Variants in MAGOHB observed in about 807,000 individuals in gnomAD.
The protein encoded by MAGOHB is protein mago nashi homolog 2.
MAGOHB carries 15 observed loss-of-function variants against 20.9 expected under a neutral mutation model. That is an observed-to-expected ratio of 0.72 (90% CI 0.48 to 1.11). The LOEUF is 1.11. MAGOHB is among the 50% of genes least tolerant of loss of function. The probability of loss-of-function intolerance (pLI) is 0.00; values close to 1 mark genes in which losing one functional copy is unlikely to be tolerated. For synonymous variants in MAGOHB, 50 were observed against 57.9 expected, an observed-to-expected ratio of 0.86 and a Z score of 0.62; for missense variants, 162 against 177.6, an observed-to-expected ratio of 0.91 and a Z score of 0.50.
chr12:10,612,973 T>C (rs1565553388), intron 1 of MAGOHB: 1 of 1,286,450 alleles, frequency 7.8e-7, no homozygotes, highest in Non-Finnish European at 1.0e-6. Flanking sequence ...GTACTCTTCA[T>C]GCGTCCTATG....
In MAGOHB at chr12:10,605,633, A is replaced by G. The variant is rs1231444166; in HGVS notation, c.*642T>C. 1 of 152,204 alleles carries G rather than the reference A, an allele frequency of 6.6e-6. No individual in the cohort carries two copies. The highest frequency in any genetic ancestry group is 1.5e-5 in the Non-Finnish European group (1 of 68,042). 9.4% of individuals were successfully genotyped at this position (152,204 alleles called of 1,614,324 possible). ...CTCATTTAGTTCTCCCCCCTCCCCT[A>G]CACACCAAATACATTGTGAAATAAG... On this transcript the variant is annotated 3_prime_UTR_variant, in exon 5 of 5. Coordinates refer to ENST00000320756, the MANE Select transcript of MAGOHB (RefSeq NM_018048.5).
In MAGOHB at chr12:10,605,521, G is replaced by A. The variant is rs1326866152; in HGVS notation, c.*754C>T. On this transcript the variant is annotated 3_prime_UTR_variant, in exon 5 of 5. Transcript: ENST00000320756. The stretch of plus-strand genomic sequence containing the variant: ...GAACTGGGAAACTGAAGTGAGACTC[G>A]TGGTCAATAGGAGTTAAAAATATTT... 3 of 152,144 alleles carry A rather than the reference G, an allele frequency of 2.0e-5. No homozygotes were observed. The highest frequency in any genetic ancestry group is 4.8e-5 in the African/African-American group (2 of 41,424). The allele number at this position is 152,144 out of a possible 1,614,324, so 9.4% of individuals were successfully genotyped here.
At chr12:10,602,338 T>C (rs921331794), downstream of MAGOHB, among the ~76,000 whole-genome samples, 1 of 152,204 alleles carries the variant, frequency 6.6e-6, no homozygotes, top group Non-Finnish European at 1.5e-5. Flanking sequence ...GATTTCTTCA[T>C]AGTTTTGAAA....
chr12:10,603,511 C>CA (rs1865575394), downstream of MAGOHB, among the ~76,000 whole-genome samples: 2 of 151,574 alleles, frequency 1.3e-5, no homozygotes, highest in Non-Finnish European at 2.9e-5. Flanking sequence ...ACAAGAGGGC[C>CA]ACCTCAGGAA....
intron 4 of MAGOHB, 128 bp downstream of exon 4, chr12:10,607,726 C>A: frequency 1.6e-6 from 1 of 614,186 alleles, no homozygotes. Context: ...ACATAAAAAT[C>A]AGGATTACAT....
At chr12:10,601,172 G>C (rs924462888), downstream of MAGOHB, among the ~76,000 whole-genome samples, 2 of 152,154 alleles carry the variant, frequency 1.3e-5, no homozygotes, top group Non-Finnish European at 2.9e-5. Flanking sequence ...GTGGGTGACA[G>C]GGTCAGGGGC....
downstream of MAGOHB, among the ~76,000 whole-genome samples, chr12:10,600,319 T>C (rs555375773): frequency 7.9e-5 from 12 of 152,206 alleles, no homozygotes; most frequent in South Asian, 6.2e-4. Flanking sequence ...TAAACCATCA[T>C]TTATTTAGGC....
At chr12:10,611,389 G>C (rs957948658) in intron 1 of MAGOHB, among the ~76,000 whole-genome samples, 8 of 152,058 alleles carry the variant, frequency 5.3e-5, no homozygotes, top group African/African-American at 1.9e-4. Flanking sequence ...CTTATGGCTA[G>C]TCAGTTGCCC....
intron 2 of MAGOHB, 92 bp downstream of exon 2, chr12:10,610,530 T>C (rs1306759590): frequency 2.9e-5 from 39 of 1,353,564 alleles, no homozygotes; most frequent in Non-Finnish European, 5.9e-6. Flanking sequence ...TAGCCTTAGA[T>C]GTACTTTTTT....
intron 4 of MAGOHB, among the ~76,000 whole-genome samples, chr12:10,606,920 G>C (rs1479791984): frequency 3.3e-5 from 5 of 152,074 alleles, no homozygotes; most frequent in African/African-American, 1.2e-4. Context: ...TTCCATAGAA[G>C]AGATGCTCAG....
At chr12:10,606,546 C>T (rs113150660) in intron 4 of MAGOHB, among the ~76,000 whole-genome samples, 172 bp from the exon 5 acceptor site, 6 of 151,706 alleles carry the variant, frequency 4.0e-5, no homozygotes, top group Non-Finnish European at 5.9e-5. Context: ...CTTTTCTATA[C>T]GAAAAAATAG....
Position 10,606,127 on chromosome 12 carries a change from T to C in MAGOHB, c.*148A>G, listed in dbSNP as rs1865625282. On this transcript the variant is annotated 3_prime_UTR_variant, in exon 5 of 5. Transcript: ENST00000320756. ...ATATGGACTCAAGTAAGGATAACCA[T>C]TAAGCTTGCTAATGTATTTTCTTAT... is the stretch of plus-strand genomic sequence containing the variant. The C allele has an allele frequency of 1.9e-6, 1 of 528,582 alleles. No individual in the cohort carries two copies. The highest frequency in any genetic ancestry group is 3.9e-5 in the Admixed American group (1 of 25,794). The allele number at this position is 528,582 out of a possible 1,614,324, so 32.7% of individuals were successfully genotyped here. A position where few individuals can be genotyped will look rare whatever the true frequency, so the allele number is the denominator to read the frequency against.
downstream of MAGOHB, among the ~76,000 whole-genome samples, chr12:10,600,213 T>C (rs1865541401): frequency 6.6e-6 from 1 of 152,048 alleles, no homozygotes; most frequent in Non-Finnish European, 1.5e-5. Flanking sequence ...CCTTACACAG[T>C]ATTTTTTATT....
At position 10,612,806 on chromosome 12, in the gene MAGOHB, C is replaced by T. The variant is rs182689720; in HGVS notation, c.94+633G>A. 4.1e-4 allele frequency: 522 copies of T among 1,287,206 alleles called. 5 individuals are homozygous for T. In the South Asian group the frequency reaches 5.1e-3, roughly 13 times the overall value. 79.7% of individuals were successfully genotyped at this position (1,287,206 alleles called of 1,614,324 possible). A position where few individuals can be genotyped will look rare whatever the true frequency, so the allele number is the denominator to read the frequency against. On this transcript the variant is annotated intron_variant, in intron 1 of 4. Coordinates refer to ENST00000320756, the MANE Select transcript of MAGOHB (RefSeq NM_018048.5). ...ACACTGTTGCACACTACTTGGGTAG[C>T]AGTTTCACCTCATCCTCTGCTCATA...
intron 1 of MAGOHB, among the ~76,000 whole-genome samples, chr12:10,611,207 T>A (rs1214584062): frequency 2.6e-5 from 4 of 152,326 alleles, no homozygotes; most frequent in East Asian, 1.9e-4. Context: ...TGTTCTCTTT[T>A]AAAAATTTTT....
chr12:10,601,844 C>A (rs886093190), downstream of MAGOHB, among the ~76,000 whole-genome samples: 4 of 152,238 alleles, frequency 2.6e-5, no homozygotes, highest in African/African-American at 7.2e-5. Flanking sequence ...GCACTACAGA[C>A]AGGATTTCTT....
chr12:10,601,453 C>A (rs1279358817), downstream of MAGOHB, among the ~76,000 whole-genome samples: 2 of 152,208 alleles, frequency 1.3e-5, no homozygotes, highest in African/African-American at 4.8e-5. Context: ...TCCAACAAGG[C>A]TCTTGCCACA....
intron 3 of MAGOHB, chr12:10,608,163 C>T (rs117573278): frequency 0.017 from 6,087 of 354,236 alleles, 82 homozygotes; most frequent in Non-Finnish European, 0.023. Context: ...CAAAGAATTG[C>T]TTTCCAGAGA....
Position 10,607,939 on chromosome 12 carries a change from A to G in MAGOHB, c.265-3T>C, listed in dbSNP as rs1209062838. The G allele has an allele frequency of 6.5e-7, 1 of 1,529,772 alleles. No individual in the cohort carries two copies. Among genetic ancestry groups the G allele is most frequent in the East Asian group, 2.3e-5 (1 of 43,110 alleles). The allele number at this position is 1,529,772 out of a possible 1,614,324, so 94.8% of individuals were successfully genotyped here. On this transcript the variant is annotated splice_polypyrimidine_tract_variant and splice_region_variant and intron_variant, in intron 3 of 4. Transcript: ENST00000320756. ...TCTCCAATTACAATTTCAAGCTCCT[A>G]AAAAATATAGCAGAAAAATGTAGTT...
Sources: gnomAD v4.1 joint callset for allele counts (sites outside exome capture counted in the v4.1 genomes callset) on GRCh38, gnomAD v4.1.1 for gene constraint, MANE v1.5 for transcripts, NCBI Gene and HGNC (gene_info 2026-07-23, HGNC 2026-07-21) for gene names.